The following CEP72 variants were observed in gnomAD, a reference collection of about 807,000 sequenced individuals.
CEP72 encodes the protein centrosomal protein of 72 kDa.
In CEP72, 78 loss-of-function variants were observed where a neutral mutation model predicts 65.7. The ratio of observed to expected loss-of-function variants is 1.19; its 90% confidence interval spans 0.99 to 1.43. CEP72 has a LOEUF of 1.43. Among genes scored for constraint, CEP72 ranks in the 40% most tolerant of loss-of-function variants. The pLI is 0.00. For missense variants in CEP72, 914 were observed against 832.9 expected, an observed-to-expected ratio of 1.10 and a Z score of -1.20; for synonymous variants, 358 against 351.7, an observed-to-expected ratio of 1.02 and a Z score of -0.20.
In CEP72 at chr5:619,890, G is replaced by A. The variant is rs192725553; in HGVS notation, c.211-179G>A. Among the ~76,000 whole-genome samples the A allele has an allele frequency of 5.5e-3, 841 of 152,272 alleles. 8 individuals carry two copies. The highest frequency in any genetic ancestry group is 9.9e-3 in the Admixed American group (151 of 15,286). ...GTTCCATAAACGACCGTCTCACCGC[G>A]TGGGGCCCAGAGAACTTCACAGATG... is the stretch of plus-strand genomic sequence containing the variant. On this transcript the variant is annotated intron_variant, in intron 2 of 11. Transcript: ENST00000264935.
the CEP72 span, among the ~76,000 whole-genome samples, chr5:675,399 T>G: frequency 7.6e-5 from 6 of 79,172 alleles, no homozygotes; most frequent in African/African-American, 2.4e-4. Flanking sequence ...GGGTGCAGTG[T>G]GGCCAGGGGT....
chr5:637,374 G>C (rs1737679736), intron 6 of CEP72, 143 bp from the exon 7 acceptor site: 7 of 689,160 alleles, frequency 1.0e-5, no homozygotes, highest in Non-Finnish European at 1.8e-5. Flanking sequence ...ACGTGGATAG[G>C]TGTGCGTGTA....
chr5:651,463 G>A (rs1024367867), intron 11 of CEP72, among the ~76,000 whole-genome samples: 1 of 151,966 alleles, frequency 6.6e-6, no homozygotes, highest in African/African-American at 2.4e-5. Flanking sequence ...ATGAGAGATG[G>A]TCGGGCACGG....
chr5:665,256 G>A lies in CEP72; in HGVS notation n.364G>A. 7 of 1,613,776 alleles carry A rather than the reference G, an allele frequency of 4.3e-6. No homozygotes were observed. In the Admixed American group the frequency reaches 5.0e-5, roughly 12 times the overall value. On this transcript the variant is annotated non_coding_transcript_exon_variant, in exon 3 of 5. Coordinates refer to the CEP72 transcript ENST00000514507. ...CTTGTGGGAGCCCGTGAACTTGGTGGTGTCCGTGAGCCTCGACACTGTGGG... is the reference window on the plus strand; with the variant it reads ...CTTGTGGGAGCCCGTGAACTTGGTGATGTCCGTGAGCCTCGACACTGTGGG...
intron 2 of CEP72, chr5:665,073 C>A: frequency 6.3e-7 from 1 of 1,596,754 alleles, no homozygotes; most frequent in Non-Finnish European, 8.5e-7. Flanking sequence ...CTGGGGACAC[C>A]GGCAGTGCCG....
chr5:644,719 G>A (rs1205471218), intron 10 of CEP72, among the ~76,000 whole-genome samples: 2 of 152,210 alleles, frequency 1.3e-5, no homozygotes, highest in African/African-American at 2.4e-5. Context: ...TGCAGCTGCT[G>A]GAGGGGCCTG....
At chr5:666,181 C>T (rs967095191) in intron 4 of CEP72, 3 of 1,582,866 alleles carry the variant, frequency 1.9e-6, no homozygotes, top group South Asian at 2.3e-5. Context: ...CTGCCCTCCC[C>T]ACGCGTGGGT....
At chr5:627,678 A>G (rs941731286) in intron 4 of CEP72, among the ~76,000 whole-genome samples, 2 of 152,318 alleles carry the variant, frequency 1.3e-5, no homozygotes, top group Admixed American at 6.5e-5. Flanking sequence ...CTCCAAATAC[A>G]TTTTTATTCT....
At chr5:644,536 T>C in intron 10 of CEP72, 111 bp downstream of exon 10, 1 of 1,302,516 alleles carries the variant, frequency 7.7e-7, no homozygotes, top group Non-Finnish European at 1.1e-6. Flanking sequence ...GCAGACGCAG[T>C]TGGTAAGTGG....
downstream of CEP72, among the ~76,000 whole-genome samples, chr5:654,191 CTG>C (rs148758665): frequency 0.028 from 3,993 of 140,702 alleles, 93 homozygotes; most frequent in Admixed American, 0.071. Flanking sequence ...TGTGTACTAG[CTG>C]TGTGTGCATG....
chr5:644,376 G>A lies in CEP72; in HGVS notation c.1617G>A (p.Lys539=). Residue 539 remains lysine (K), a synonymous_variant, in exon 10 of 12, where the codon AAG becomes AAA. Coordinates refer to ENST00000264935, the MANE Select transcript of CEP72 (RefSeq NM_018140.4). ...RLKSLLLSMK[K]EVKSADTAAT... is the part of the protein sequence containing the mutation. The stretch of plus-strand genomic sequence containing the variant: ...AATCGCTTTTGTTGAGTATGAAAAA[G>A]GAAGTGAAGAGTGCAGACACTGCAG... 2 of 1,613,944 alleles carry A rather than the reference G, an allele frequency of 1.2e-6. No homozygotes were observed. The highest frequency in any genetic ancestry group is 1.7e-6 in the Non-Finnish European group (2 of 1,179,944).
At chr5:651,953 C>T (rs572542526) in intron 11 of CEP72, among the ~76,000 whole-genome samples, 1 of 152,134 alleles carries the variant, frequency 6.6e-6, no homozygotes, top group Non-Finnish European at 1.5e-5. Flanking sequence ...AGGCTCTGCC[C>T]CTTACAGGAT....
At chr5:616,942 G>A (rs1736034438) in intron 1 of CEP72, among the ~76,000 whole-genome samples, 1 of 151,362 alleles carries the variant, frequency 6.6e-6, no homozygotes, top group South Asian at 2.1e-4. Context: ...GTGTGTATGT[G>A]TTGTTGTGTG....
the CEP72 span, among the ~76,000 whole-genome samples, chr5:673,645 T>C: frequency 6.6e-6 from 1 of 152,180 alleles, no homozygotes; most frequent in Non-Finnish European, 1.5e-5. Context: ...GCCACAGCTG[T>C]CTGCTCCCCC....
chr5:636,943 A>G (rs1709556), intron 6 of CEP72, among the ~76,000 whole-genome samples: 102,753 of 152,062 alleles, frequency 0.68, 36,045 homozygotes, highest in African/African-American at 0.88. Flanking sequence ...GCAGGATGTG[A>G]TGGGTCATCT....
chr5:654,131 T>C (rs1490003431), downstream of CEP72, among the ~76,000 whole-genome samples: 3 of 147,210 alleles, frequency 2.0e-5, no homozygotes, highest in African/African-American at 5.1e-5. Context: ...GTGCTGTGTG[T>C]GCTAGCTGTG....
At position 628,895 on chromosome 5, in the gene CEP72, G is replaced by A. The variant is rs866473455; in HGVS notation, c.512+4316G>A. Among the ~76,000 whole-genome samples, 495 of 106,168 alleles carry A rather than the reference G, an allele frequency of 4.7e-3. 42 individuals carry two copies. The highest frequency in any genetic ancestry group is 0.02 in the African/African-American group (438 of 22,378). 69.7% of individuals were successfully genotyped at this position (106,168 alleles called of 152,430 possible). The stretch of plus-strand genomic sequence containing the variant: ...CTGGAGAACTCAGGTTGCCGTCCCT[G>A]GGGAGTGGCCCCAGGACCCAGCCCC... On this transcript the variant is annotated intron_variant, in intron 4 of 11. Coordinates refer to ENST00000264935, the MANE Select transcript of CEP72 (RefSeq NM_018140.4).
intron 9 of CEP72, 145 bp downstream of exon 9, chr5:640,749 C>CCGGCCACCCCCGGAACG: frequency 7.0e-7 from 1 of 1,436,686 alleles, no homozygotes; most frequent in Non-Finnish European, 9.1e-7. Context: ...TGCCCGGGAC[C>CCGGCCACCCCCGGAACG]CGGCCACCCC....
intron 4 of CEP72, among the ~76,000 whole-genome samples, chr5:631,538 G>A (rs1737186415): frequency 2.7e-5 from 1 of 37,486 alleles, no homozygotes; most frequent in Non-Finnish European, 4.6e-5. Context: ...GACCAGTCCT[G>A]GTGGGGTTCT....
Sources: allele counts gnomAD v4.1 joint callset (sites outside exome capture counted in the v4.1 genomes callset), GRCh38; gene constraint gnomAD v4.1.1; transcripts MANE v1.5; gene names NCBI Gene and HGNC (gene_info 2026-07-23, HGNC 2026-07-21).